ROBO2: variants seen among roughly 807,000 people sequenced by gnomAD.
The protein encoded by ROBO2 is roundabout homolog 2.
A neutral mutation model predicts 160.8 loss-of-function variants in ROBO2; 53 were observed. That is an observed-to-expected ratio of 0.33 (90% CI 0.26 to 0.41). The LOEUF is 0.41. Ranked by LOEUF, ROBO2 falls within the 10% of genes least tolerant of loss-of-function variation. ROBO2 has a pLI of 1.00. For missense variants in ROBO2, 1,577 were observed against 1,722.4 expected (o/e 0.92, Z 1.49); for synonymous variants, 664 against 611.7 (o/e 1.09, Z -1.26).
rs569516140 is a variant in ROBO2 at position 76,080,329 on chromosome 3, C to T, written c.109+142727C>T. 2.0e-4 allele frequency among the ~76,000 whole-genome samples: 30 copies of T among 152,306 alleles called. No individual in the cohort carries two copies. The South Asian group carries it at 6.2e-3, about 32-fold the overall frequency. ...TCCCAACATAGTGAGACCATGAAGACATTTATAATTCAGTCCTAAAGTGAA... is the reference window on the plus strand; with the variant it reads ...TCCCAACATAGTGAGACCATGAAGATATTTATAATTCAGTCCTAAAGTGAA... On this transcript the variant is annotated intron_variant, in intron 2 of 26. Coordinates refer to the ROBO2 transcript ENST00000487694.
chr3:76,583,363 C>G (rs1161436815), intron 2 of ROBO2, among the ~76,000 whole-genome samples: 1 of 152,132 alleles, frequency 6.6e-6, no homozygotes, highest in Non-Finnish European at 1.5e-5. Context: ...AAATTGTTCC[C>G]CATAGCTCTG....
At chr3:76,232,922 A>G (rs1220403887) in intron 2 of ROBO2, among the ~76,000 whole-genome samples, 2 of 152,098 alleles carry the variant, frequency 1.3e-5, no homozygotes, top group Non-Finnish European at 2.9e-5. Context: ...CAGCTACCAA[A>G]TTGGCTAACC....
At chr3:76,550,326 T>C (rs1489849163) in intron 2 of ROBO2, among the ~76,000 whole-genome samples, 1 of 121,386 alleles carries the variant, frequency 8.2e-6, no homozygotes, top group African/African-American at 2.5e-5. Context: ...ATATTTCCAG[T>C]TAGCATGTAG....
intron 2 of ROBO2, among the ~76,000 whole-genome samples, chr3:76,070,924 T>C (rs1199221338): frequency 6.6e-6 from 1 of 152,166 alleles, no homozygotes; most frequent in Non-Finnish European, 1.5e-5. Context: ...AAAACAAGTG[T>C]AAAAAGAAAC....
At chr3:77,278,443 A>G (rs2060032707) in intron 2 of ROBO2, among the ~76,000 whole-genome samples, 1 of 152,162 alleles carries the variant, frequency 6.6e-6, no homozygotes, top group Non-Finnish European at 1.5e-5. Flanking sequence ...ATATAACACA[A>G]AACACATAAA....
intron 2 of ROBO2, among the ~76,000 whole-genome samples, chr3:76,399,823 G>A (rs1219386734): frequency 4.0e-5 from 6 of 151,718 alleles, no homozygotes; most frequent in South Asian, 2.1e-4. Context: ...GCACATTGGC[G>A]AAATAACAAC....
intron 2 of ROBO2, among the ~76,000 whole-genome samples, chr3:77,234,824 T>G (rs569181861): frequency 6.6e-6 from 1 of 152,188 alleles, no homozygotes; most frequent in Non-Finnish European, 1.5e-5. Flanking sequence ...GCTTATCTTC[T>G]TAATGTTAGG....
rs535596716 is a variant in ROBO2, at chr3:77,215,694, T to C, written c.388+117354T>C. 2.0e-4 allele frequency among the ~76,000 whole-genome samples: 30 copies of C among 152,286 alleles called. 1 individual carries two copies. The highest frequency in any genetic ancestry group is 6.3e-4 in the African/African-American group (26 of 41,556). On this transcript the variant is annotated intron_variant, in intron 2 of 25. Transcript: ENST00000461745. Reference sequence around the variant, plus strand: ...TTCCAGTTTTTCTGCTCTGTTTTTTTCCCCATCTTTGTGGTTTTATCTACC... The same window carrying C: ...TTCCAGTTTTTCTGCTCTGTTTTTTCCCCCATCTTTGTGGTTTTATCTACC...
intron 2 of ROBO2, among the ~76,000 whole-genome samples, chr3:76,834,121 T>C (rs147457760): frequency 0.022 from 2,624 of 120,792 alleles, 65 homozygotes; most frequent in East Asian, 0.066. Flanking sequence ...TTTCTCTCTG[T>C]CTCTCCTTCC....
At chr3:76,375,389 T>C (rs1438817988) in intron 2 of ROBO2, among the ~76,000 whole-genome samples, 1 of 152,016 alleles carries the variant, frequency 6.6e-6, no homozygotes, top group Non-Finnish European at 1.5e-5. Flanking sequence ...CACTAACTAC[T>C]CAAATAATCT....
At chr3:77,524,731 C>A (rs896412599) in intron 6 of ROBO2, among the ~76,000 whole-genome samples, 1 of 151,032 alleles carries the variant, frequency 6.6e-6, no homozygotes, top group Non-Finnish European at 1.5e-5. Flanking sequence ...GCTCCTCATG[C>A]GGGGATGTTT....
At chr3:76,378,485 G>C (rs185317506) in intron 2 of ROBO2, among the ~76,000 whole-genome samples, 7 of 152,292 alleles carry the variant, frequency 4.6e-5, no homozygotes, top group Admixed American at 1.3e-4. Flanking sequence ...ACGAGTAGGA[G>C]ATCAAGTATC....
chr3:77,518,834 G>A (rs1582652437), intron 5 of ROBO2, among the ~76,000 whole-genome samples: 1 of 151,556 alleles, frequency 6.6e-6, no homozygotes, highest in East Asian at 1.9e-4. Context: ...TTATAGGCTA[G>A]ACCGTTAAAA....
intron 2 of ROBO2, among the ~76,000 whole-genome samples, chr3:76,555,506 T>G (rs1281737647): frequency 5.9e-5 from 9 of 151,600 alleles, no homozygotes. Context: ...TTGAAAATGG[T>G]CAGAAACAAG....
intron 2 of ROBO2, among the ~76,000 whole-genome samples, chr3:76,976,578 C>G (rs552145003): frequency 2.5e-4 from 38 of 152,104 alleles, no homozygotes; most frequent in Non-Finnish European, 5.4e-4. Flanking sequence ...CATTTTATAA[C>G]AATTGGTATT....
At chr3:77,165,599 A>G (rs1465299363) in intron 2 of ROBO2, among the ~76,000 whole-genome samples, 1 of 152,072 alleles carries the variant, frequency 6.6e-6, no homozygotes, top group Non-Finnish European at 1.5e-5. Flanking sequence ...TAATTTGTTG[A>G]TATATTCATT....
intron 23 of ROBO2, chr3:77,632,907 A>G (rs2095195272): frequency 6.3e-6 from 2 of 316,834 alleles, no homozygotes; most frequent in Non-Finnish European, 1.1e-5. Flanking sequence ...TAATTGGAAT[A>G]TGCTTCCTTT....
intron 2 of ROBO2, among the ~76,000 whole-genome samples, chr3:77,457,796 G>A (rs964164074): frequency 4.6e-5 from 7 of 151,794 alleles, no homozygotes; most frequent in South Asian, 4.2e-4. Flanking sequence ...ATTTTGTTCG[G>A]TCAAAATAGT....
At chr3:76,045,265 A>T (rs1226111156) in intron 2 of ROBO2, among the ~76,000 whole-genome samples, 4 of 152,012 alleles carry the variant, frequency 2.6e-5, no homozygotes, top group African/African-American at 9.7e-5. Context: ...TTTTCAGTTA[A>T]TCTAAGTCAC....
Sources: gnomAD v4.1 joint callset for allele counts (sites outside exome capture counted in the v4.1 genomes callset) on GRCh38, gnomAD v4.1.1 for gene constraint, MANE v1.5 for transcripts, NCBI Gene and HGNC (gene_info 2026-07-23, HGNC 2026-07-21) for gene names.